The following UVSSA variants were observed in gnomAD, a reference collection of about 807,000 sequenced individuals.
UVSSA encodes UV stimulated scaffold protein A.
Under a neutral mutation model 73.9 loss-of-function variants are expected in UVSSA, and 72 were observed. That is an observed-to-expected ratio of 0.97 (90% confidence interval 0.81 to 1.19). The LOEUF is 1.19. Ranked by LOEUF, UVSSA falls within the 50% of genes most tolerant of loss-of-function variation. The probability of loss-of-function intolerance (pLI) is 0.00; values close to 1 mark genes in which losing one functional copy is unlikely to be tolerated. For missense variants in UVSSA, 1,150 were observed against 965.0 expected (o/e 1.19, Z -2.54); for synonymous variants, 454 against 391.3 (o/e 1.16, Z -1.89).
In UVSSA at chr4:1,349,747, A is replaced by G. The variant is rs1239605323; in HGVS notation, c.322A>G (p.Arg108Gly). Residue 108 changes from arginine (R) to glycine (G), a missense_variant, in exon 3 of 14, where the codon AGG (arginine) becomes GGG (glycine). Physicochemically the swap from Arg to Gly is moderately radical, Grantham distance 125 (BLOSUM62 -2). Coordinates refer to ENST00000389851, the MANE Select transcript of UVSSA (RefSeq NM_020894.4). Reference protein sequence around the residue: ...PLPPPREAAQRLRQATTRAVE... With the variant: ...PLPPPREAAQGLRQATTRAVE... ...GCCGCCCCCCAGGGAGGCGGCACAGAGGCTGAGGCAGGCGACCACCCGGGC... is the reference window on the plus strand; with the variant it reads ...GCCGCCCCCCAGGGAGGCGGCACAGGGGCTGAGGCAGGCGACCACCCGGGC... 1 of 1,611,036 alleles carries G rather than the reference A, an allele frequency of 6.2e-7. No homozygotes were observed. Among genetic ancestry groups the G allele is most frequent in the African/African-American group, 1.3e-5 (1 of 74,622 alleles).
upstream of UVSSA, among the ~76,000 whole-genome samples, chr4:1,342,407 A>C (rs1250975188): frequency 4.0e-5 from 6 of 151,896 alleles, no homozygotes; most frequent in Admixed American, 2.6e-4. Flanking sequence ...AAATTGCATT[A>C]TCTTACTGAT....
intron 8 of UVSSA, among the ~76,000 whole-genome samples, chr4:1,369,194 C>A (rs548370955): frequency 3.9e-5 from 6 of 152,256 alleles, no homozygotes; most frequent in African/African-American, 1.4e-4. Flanking sequence ...GTACCCTTGG[C>A]GGCCTTGCTG....
At chr4:1,345,981 G>A (rs1055211759), upstream of UVSSA, among the ~76,000 whole-genome samples, 1 of 152,064 alleles carries the variant, frequency 6.6e-6, no homozygotes, top group Non-Finnish European at 1.5e-5. Context: ...GCTGAGGGAG[G>A]GTCTGGCTGC....
rs192528919 is a variant in UVSSA at position 1,387,276 on chromosome 4, C to T, written c.*1315C>T. 28 of 152,218 alleles carry T rather than the reference C, an allele frequency of 1.8e-4. No individual in the cohort carries two copies. The highest frequency in any genetic ancestry group is 5.8e-4 in the African/African-American group (24 of 41,522). 9.4% of individuals were successfully genotyped at this position (152,218 alleles called of 1,614,324 possible). ...TATTTTTAGTAGAGACGGGATTTCA[C>T]TGTGTTGGCTGGGATGGTCTTGATC... is the stretch of plus-strand genomic sequence containing the variant. On this transcript the variant is annotated 3_prime_UTR_variant, in exon 14 of 14. Transcript: ENST00000389851.
At chr4:1,369,011 G>A (rs917901136) in intron 8 of UVSSA, among the ~76,000 whole-genome samples, 1 of 152,244 alleles carries the variant, frequency 6.6e-6, no homozygotes. Context: ...GGAGGGGAGG[G>A]TGCCTTAGAA....
At chr4:1,393,487 A>G (rs34299899) in exon 14 of UVSSA, 46,914 of 151,910 alleles carry the variant, frequency 0.31, 8,194 homozygotes, top group Non-Finnish European at 0.4. Context: ...CCCGGGAGGC[A>G]GAGGTTGCAG....
At chr4:1,382,182 G>A (rs1221763654) in intron 12 of UVSSA, among the ~76,000 whole-genome samples, 1 of 152,246 alleles carries the variant, frequency 6.6e-6, no homozygotes, top group African/African-American at 2.4e-5. Flanking sequence ...GGAGGGCCCT[G>A]ACCTGCTAAT....
chr4:1,375,638 T>C (rs1313057552), intron 9 of UVSSA, 130 bp downstream of exon 9: 3 of 1,402,872 alleles, frequency 2.1e-6, no homozygotes, highest in African/African-American at 2.9e-5. Context: ...CTTGGGTGTG[T>C]ACCCCCGGCC....
At chr4:1,383,104 T>C (rs1719695017) in intron 12 of UVSSA, among the ~76,000 whole-genome samples, 1 of 152,134 alleles carries the variant, frequency 6.6e-6, no homozygotes, top group Non-Finnish European at 1.5e-5. Flanking sequence ...GGCTGCCCAG[T>C]GGGGCTGTTG....
chr4:1,366,001 G>A (rs1278943240), intron 7 of UVSSA: 7 of 200,740 alleles, frequency 3.5e-5, no homozygotes, highest in African/African-American at 9.3e-5. Flanking sequence ...CGCCGCCCTC[G>A]CACCGGTGTG....
intron 10 of UVSSA, among the ~76,000 whole-genome samples, chr4:1,377,359 A>C (rs1317748894): frequency 6.6e-6 from 1 of 152,056 alleles, no homozygotes; most frequent in Non-Finnish European, 1.5e-5. Flanking sequence ...CCCTGGTCTC[A>C]CTCACAGCAG....
At position 1,383,895 on chromosome 4, in the gene UVSSA, A is replaced by G. The variant is rs765971686; in HGVS notation, c.1991A>G (p.Gln664Arg). 33 of 1,613,326 alleles carry G rather than the reference A, an allele frequency of 2.0e-5. No individual in the cohort carries two copies. The highest frequency in any genetic ancestry group is 2.8e-5 in the Non-Finnish European group (33 of 1,179,852). ...CCCAGCCTCACCAACCTGAAGGCTC[A>G]GGCTGATACCGCCCGCGCTCGCATT... is the stretch of plus-strand genomic sequence containing the variant. ...RYPSLTNLKAQADTARARIGR... is the reference protein window; with the variant it reads ...RYPSLTNLKARADTARARIGR... The change falls in exon 13 of 14, where the codon CAG (glutamine) becomes CGG (arginine). Residue 664 changes from glutamine to arginine, a missense_variant. Physicochemically the swap from Gln to Arg is conservative, Grantham distance 43. Coordinates refer to ENST00000389851, the MANE Select transcript of UVSSA (RefSeq NM_020894.4).
At chr4:1,358,678 G>A (rs1716165603) in intron 7 of UVSSA, 1 of 152,266 alleles carries the variant, frequency 6.6e-6, no homozygotes, top group African/African-American at 2.4e-5. Flanking sequence ...AGGTGGGGCT[G>A]GCTGACAAAC....
At chr4:1,391,825 CAA>C, downstream of UVSSA, 1 of 152,152 alleles carries the variant, frequency 6.6e-6, no homozygotes, top group East Asian at 1.9e-4. Context: ...TGCTCTGAAT[CAA>C]AAGTGTGTTT....
chr4:1,394,123 G>T, exon 14 of UVSSA: 1 of 354,060 alleles, frequency 2.8e-6, no homozygotes, highest in Non-Finnish European at 5.2e-6. Context: ...CACAAAGCCA[G>T]CCAGAGGTGA....
At chr4:1,380,777 C>G (rs1171257794) in intron 11 of UVSSA, 103 bp from the exon 12 acceptor site, 1 of 1,583,786 alleles carries the variant, frequency 6.3e-7, no homozygotes, top group South Asian at 1.1e-5. Context: ...TGTGATACCA[C>G]CCACCCTGGT....
In UVSSA at chr4:1,348,825, G is replaced by C. The variant is rs79656058; in HGVS notation, c.98+636G>C. Among the ~76,000 whole-genome samples, 390 of 152,320 alleles carry C rather than the reference G, an allele frequency of 2.6e-3. 1 individual carries two copies. The highest frequency in any genetic ancestry group is 9.0e-3 in the African/African-American group (373 of 41,562). ...TGGCCTGCGCCAGGAAATCGAATTC[G>C]CAATGGTTTATGTGGGGTCAGGAGC... On this transcript the variant is annotated intron_variant, in intron 2 of 13. Coordinates refer to ENST00000389851, the MANE Select transcript of UVSSA (RefSeq NM_020894.4).
Position 1,351,734 on chromosome 4 carries a change from A to C in UVSSA, c.449A>C (p.Asn150Thr). 1.9e-6 allele frequency: 3 copies of C among 1,613,518 alleles called. No homozygotes were observed. The highest frequency in any genetic ancestry group is 1.7e-4 in the Middle Eastern group (1 of 6,060). ...GCTCAGGTGGATTTTCAAGACACGA[A>C]TGCTCGGAGTCTGGCAGAAAGGAAG... is the stretch of plus-strand genomic sequence containing the variant. The part of the protein sequence containing the change: ...HNKKVDFQDT[N>T]ARSLAERKRE... The change falls in exon 4 of 14, where the codon AAT becomes ACT. Residue 150 changes from asparagine (N) to threonine (T), a missense_variant. By Grantham distance (65) the Asn-to-Thr change is moderately conservative (BLOSUM62 0). Transcript: ENST00000389851.
chr4:1,354,886 G>C (rs1715435080), intron 6 of UVSSA, 39 bp downstream of exon 6: 1 of 1,444,490 alleles, frequency 6.9e-7, no homozygotes, highest in Admixed American at 1.8e-5. Flanking sequence ...GGAGGGACGT[G>C]TGCAGAGTGC....
Sources: gnomAD v4.1 joint callset for allele counts (sites outside exome capture counted in the v4.1 genomes callset) on GRCh38, gnomAD v4.1.1 for gene constraint, MANE v1.5 for transcripts, NCBI Gene and HGNC (gene_info 2026-07-23, HGNC 2026-07-21) for gene names.